The following ACSS2 variants were observed in gnomAD, a reference collection of about 807,000 sequenced individuals.
The protein encoded by ACSS2 is acyl-CoA synthetase short chain family member 2.
In ACSS2, 58 loss-of-function variants were observed where a neutral mutation model predicts 90.6. The ratio of observed to expected loss-of-function variants is 0.64; its 90% CI spans 0.52 to 0.80. The LOEUF (loss-of-function observed/expected upper bound fraction) is 0.80. ACSS2 is among the 30% of genes least tolerant of loss of function. ACSS2 has a pLI of 0.00. For synonymous variants in ACSS2, 300 were observed against 330.9 expected, an observed-to-expected ratio of 0.91 and a Z score of 1.01; for missense variants, 759 against 912.0, an observed-to-expected ratio of 0.83 and a Z score of 2.16.
chr20:34,906,107 G>A (rs113222378), intron 2 of ACSS2, among the ~76,000 whole-genome samples: 12 of 152,060 alleles, frequency 7.9e-5, no homozygotes, highest in African/African-American at 2.7e-4. Flanking sequence ...AGGCCGAGGC[G>A]GGTGGATCAC....
Position 34,925,781 on chromosome 20 carries a change from C to A in ACSS2, c.1726+15C>A. 1 of 1,607,796 alleles carries A rather than the reference C, an allele frequency of 6.2e-7. No homozygotes were observed. The highest frequency in any genetic ancestry group is 8.5e-7 in the Non-Finnish European group (1 of 1,176,688). ...CAATGTATCTGGTGAGGGCCAGGGG[C>A]CACCTTCCCATCTTATTAACTCTGC... is the stretch of plus-strand genomic sequence containing the variant. On this transcript the variant is annotated intron_variant, in intron 15 of 17. Transcript: ENST00000360596.
intron 2 of ACSS2, among the ~76,000 whole-genome samples, chr20:34,884,458 C>T (rs2080140871): frequency 6.6e-6 from 1 of 152,226 alleles, no homozygotes; most frequent in Non-Finnish European, 1.5e-5. Flanking sequence ...AACTAAGAGT[C>T]AGTTTCCTCT....
At chr20:34,880,380 T>G (rs1181407140) in intron 1 of ACSS2, among the ~76,000 whole-genome samples, 1 of 151,434 alleles carries the variant, frequency 6.6e-6, no homozygotes, top group Non-Finnish European at 1.5e-5. Flanking sequence ...AAACCCTGTT[T>G]CTACAAAACA....
At chr20:34,882,361 A>C (rs6058135) in intron 1 of ACSS2, among the ~76,000 whole-genome samples, 101,140 of 152,010 alleles carry the variant, frequency 0.67, 35,195 homozygotes, top group African/African-American at 0.87. Flanking sequence ...CGGTGGCTCA[A>C]GCCTGTAATC....
Position 34,927,309 on chromosome 20 carries a change from C to A in ACSS2, c.*95C>A. The A allele has an allele frequency of 6.6e-7, 1 of 1,514,700 alleles. No individual in the cohort carries two copies. Among genetic ancestry groups the A allele is most frequent in the Non-Finnish European group, 9.0e-7 (1 of 1,109,196 alleles). The allele number at this position is 1,514,700 out of a possible 1,614,324, so 93.8% of individuals were successfully genotyped here. ...AGTGCTGAGGGCCAGTGTTGACCCA[C>A]ACTACCCTCCCTTGACCAGCTGTCT... On this transcript the variant is annotated 3_prime_UTR_variant, in exon 18 of 18. Coordinates refer to ENST00000360596, the MANE Select transcript of ACSS2 (RefSeq NM_018677.4). This position sits in a 1 kb window ranked among gnomAD's most constrained non-coding sequence, Gnocchi z 4.2.
intron 16 of ACSS2, 38 bp from the exon 17 acceptor site, chr20:34,926,839 G>C (rs1405861310): frequency 6.2e-7 from 1 of 1,610,028 alleles, no homozygotes; most frequent in Non-Finnish European, 8.5e-7. Flanking sequence ...GTCTGGCTAA[G>C]GGTGCTGAAG....
Position 34,926,959 on chromosome 20 carries a change from C to G in ACSS2, c.1978+8C>G. The G allele has an allele frequency of 6.2e-7, 1 of 1,614,152 alleles. No homozygotes were observed. Among genetic ancestry groups the G allele is most frequent in the Non-Finnish European group, 8.5e-7 (1 of 1,180,024 alleles). ...TGCCTAAAACCCGCTCAGGTATGTT[C>G]AGAGGCCTCCATGGATTGGGATGGG... On this transcript the variant is annotated splice_region_variant and intron_variant, in intron 17 of 17. Coordinates refer to ENST00000360596, the MANE Select transcript of ACSS2 (RefSeq NM_018677.4).
At chr20:34,917,554 G>A (rs1416772828) in intron 7 of ACSS2, among the ~76,000 whole-genome samples, 1 of 152,100 alleles carries the variant, frequency 6.6e-6, no homozygotes, top group East Asian at 1.9e-4. Context: ...AACCAAATAT[G>A]CACACAACAA....
At chr20:34,897,176 C>T (rs962190721) in intron 2 of ACSS2, among the ~76,000 whole-genome samples, 16 of 152,146 alleles carry the variant, frequency 1.1e-4, no homozygotes, top group Non-Finnish European at 2.2e-4. Flanking sequence ...ACATTTATTG[C>T]AATTCCAATC....
In ACSS2 at chr20:34,921,405, C is replaced by T. The variant is rs541561138; in HGVS notation, c.1353C>T (p.His451=). The T allele has an allele frequency of 9.3e-6, 15 of 1,614,194 alleles. No homozygotes were observed. The South Asian group carries it at 1.3e-4, about 14-fold the overall frequency. ...ACCCTGAGGCCTGGCTATGGTACCACCGGGTGGTAGGTGCCCAGCGCTGCC... is the reference window on the plus strand; with the variant it reads ...ACCCTGAGGCCTGGCTATGGTACCATCGGGTGGTAGGTGCCCAGCGCTGCC... ...PINPEAWLWY[H]RVVGAQRCPI... Residue 451 remains histidine (H), a synonymous_variant, in exon 11 of 18, where the codon CAC becomes CAT. Transcript: ENST00000360596.
chr20:34,923,530 T>C (rs1446747031), intron 14 of ACSS2, 99 bp downstream of exon 14: 1 of 802,648 alleles, frequency 1.2e-6, no homozygotes. Context: ...AAATAATACC[T>C]GAGACTGGGT....
At chr20:34,880,174 C>G (rs868549766) in intron 1 of ACSS2, among the ~76,000 whole-genome samples, 5 of 151,378 alleles carry the variant, frequency 3.3e-5, no homozygotes, top group African/African-American at 9.8e-5. Context: ...CATCTCTTTA[C>G]TAATCACTTT....
intron 7 of ACSS2, among the ~76,000 whole-genome samples, chr20:34,917,808 A>C (rs1016989277): frequency 3.9e-5 from 6 of 152,218 alleles, no homozygotes; most frequent in Admixed American, 2.6e-4. Flanking sequence ...GCTGAAGTAC[A>C]GTGGTACGAT....
intron 9 of ACSS2, 91 bp downstream of exon 9, chr20:34,920,800 G>A (rs2081179854): frequency 8.7e-6 from 13 of 1,490,670 alleles, no homozygotes; most frequent in Non-Finnish European, 1.2e-5. Context: ...GAGGGAGGGG[G>A]ACTTATACAA....
intron 14 of ACSS2, among the ~76,000 whole-genome samples, chr20:34,924,529 T>C (rs768814444): frequency 2.6e-5 from 4 of 152,120 alleles, no homozygotes; most frequent in Non-Finnish European, 5.9e-5. Context: ...GCTTGAGATG[T>C]CTGAAGAATG....
chr20:34,919,221 T>C (rs1365899350), intron 7 of ACSS2, among the ~76,000 whole-genome samples: 1 of 151,904 alleles, frequency 6.6e-6, no homozygotes, highest in Non-Finnish European at 1.5e-5. Context: ...AGTTCTGGGG[T>C]AGAGATGGGG....
chr20:34,920,902 A>G (rs1377741874), intron 9 of ACSS2, 104 bp from the exon 10 acceptor site: 8 of 1,550,552 alleles, frequency 5.2e-6, no homozygotes, highest in Non-Finnish European at 7.0e-6. Flanking sequence ...GAGTGAAGAT[A>G]TGGTTGGTCA....
chr20:34,909,718 CTTT>C (rs879749574), intron 2 of ACSS2, among the ~76,000 whole-genome samples: 7 of 137,870 alleles, frequency 5.1e-5, no homozygotes, highest in Non-Finnish European at 4.8e-5. Context: ...CATTAAAATC[CTTT>C]TTTTTTTTTT....
At position 34,917,734 on chromosome 20, in the gene ACSS2, GT is replaced by G. The variant is rs551249248; in HGVS notation, c.835-1693del. On this transcript the variant is annotated intron_variant, in intron 7 of 17. Coordinates refer to ENST00000360596, the MANE Select transcript of ACSS2 (RefSeq NM_018677.4). ...TCATCACACTCTTAAGTTTTTGTGGGTTTTTTTTGTTGTTTTTGTTTTTGTT... is the reference window on the plus strand; with the variant it reads ...TCATCACACTCTTAAGTTTTTGTGGGTTTTTTTGTTGTTTTTGTTTTTGTT... 2.8e-3 allele frequency among the ~76,000 whole-genome samples: 420 copies of G among 151,716 alleles called. 2 individuals are homozygous for G. The highest frequency in any genetic ancestry group is 9.7e-3 in the African/African-American group (400 of 41,404).
Sources: allele counts gnomAD v4.1 joint callset (sites outside exome capture counted in the v4.1 genomes callset), GRCh38; gene constraint gnomAD v4.1.1; non-coding constraint Gnocchi (gnomAD v3.1); transcripts MANE v1.5; gene names NCBI Gene and HGNC (gene_info 2026-07-23, HGNC 2026-07-21).